ALG12: variants seen among roughly 807,000 people sequenced by gnomAD.
The protein encoded by ALG12 is dol-P-Man:Man(7)GlcNAc(2)-PP-Dol alpha-1,6-mannosyltransferase.
A neutral mutation model predicts 46.0 loss-of-function variants in ALG12; 36 were observed. The ratio of observed to expected loss-of-function variants is 0.78; its 90% CI spans 0.60 to 1.03. The LOEUF is 1.03. Ranked by LOEUF, ALG12 falls within the 50% of genes least tolerant of loss-of-function variation. ALG12 has a pLI of 0.00. For missense variants in ALG12, 599 were observed against 633.5 expected (o/e 0.95, Z 0.58); for synonymous variants, 326 against 291.6 (o/e 1.12, Z -1.20).
the ALG12 span, chr22:49,888,900 G>C: frequency 6.0e-5 from 10 of 167,148 alleles, no homozygotes; most frequent in South Asian, 1.7e-3. Flanking sequence ...GTGTAGAAAG[G>C]GTTGCGCACA....
In ALG12 at chr22:49,910,087, G is replaced by A; in HGVS notation, c.471C>T (p.Val157=). 1.2e-6 allele frequency: 2 copies of A among 1,605,352 alleles called. No homozygotes were observed. The highest frequency in any genetic ancestry group is 1.7e-6 in the Non-Finnish European group (2 of 1,176,578). The change falls in exon 5 of 10, where the codon GTC becomes GTT. Residue 157 remains valine (V), a splice_region_variant and synonymous_variant. Transcript: ENST00000330817. ...GCAGCCAGGCCGCGAGGGCCAGCAG[G>A]ACTGCAAGACAGTGCGGGAGGGTGC... The part of the protein sequence containing the change: ...TLPNVLALPV[V]LLALAAWLRH...
At chr22:49,898,817 A>G (rs181808630), downstream of ALG12, among the ~76,000 whole-genome samples, 531 of 152,128 alleles carry the variant, frequency 3.5e-3, 2 homozygotes, top group African/African-American at 0.012. Context: ...CAGTGGTGCA[A>G]TCACAGCTCA....
intron 1 of ALG12, among the ~76,000 whole-genome samples, chr22:49,917,740 C>T (rs552296427): frequency 7.5e-5 from 11 of 145,844 alleles, no homozygotes; most frequent in Non-Finnish European, 1.3e-4. Context: ...GTTATCTGCA[C>T]TCCTTCCTTC....
chr22:49,897,520 C>T (rs997148805), downstream of ALG12, among the ~76,000 whole-genome samples: 2 of 152,214 alleles, frequency 1.3e-5, no homozygotes, highest in African/African-American at 4.8e-5. Flanking sequence ...GCCATCCTAA[C>T]AAGTGCGTAG....
the ALG12 span, chr22:49,887,451 T>G: frequency 6.3e-6 from 2 of 319,580 alleles, no homozygotes; most frequent in East Asian, 5.2e-5. Flanking sequence ...AACCGTAAAG[T>G]TTTTTAAAGT....
At chr22:49,916,956 T>C (rs1010800844) in intron 1 of ALG12, among the ~76,000 whole-genome samples, 8 of 152,310 alleles carry the variant, frequency 5.3e-5, no homozygotes, top group Non-Finnish European at 1.2e-4. Flanking sequence ...CATTACGTGC[T>C]GACTCTGACA....
Position 49,913,593 on chromosome 22 carries a change from G to T in ALG12, c.162+11C>A. ...ATGAGGTTTTCCCCAAAGACAGCAG[G>T]GGCCCCTCACCTGCTCCAGGTCTTG... On this transcript the variant is annotated intron_variant, in intron 2 of 9. Transcript: ENST00000330817. 1.2e-6 allele frequency: 2 copies of T among 1,614,058 alleles called. No individual in the cohort carries two copies. The highest frequency in any genetic ancestry group is 1.7e-6 in the Non-Finnish European group (2 of 1,180,040).
chr22:49,907,217 C>T (rs929494152), intron 7 of ALG12, among the ~76,000 whole-genome samples: 1 of 152,246 alleles, frequency 6.6e-6, no homozygotes. Context: ...ACCTGTCGCC[C>T]TCAGAGCCTC....
At chr22:49,880,176 G>T in the ALG12 span, among the ~76,000 whole-genome samples, 1 of 152,116 alleles carries the variant, frequency 6.6e-6, no homozygotes, top group African/African-American at 2.4e-5. Flanking sequence ...GCTTAAAAGA[G>T]CGGCCGTTGT....
downstream of ALG12, among the ~76,000 whole-genome samples, chr22:49,896,948 A>G (rs1051583841): frequency 6.6e-6 from 1 of 151,936 alleles, no homozygotes; most frequent in Non-Finnish European, 1.5e-5. Context: ...GCCCACTTTT[A>G]AAGTGAAGCA....
the ALG12 span, among the ~76,000 whole-genome samples, chr22:49,876,343 C>A: frequency 1.3e-5 from 2 of 151,972 alleles, no homozygotes; most frequent in Non-Finnish European, 2.9e-5. Flanking sequence ...TTTTTATGTA[C>A]CTGTTGGTTA....
At chr22:49,885,304 A>C in the ALG12 span, 2 of 1,593,154 alleles carry the variant, frequency 1.3e-6, no homozygotes, top group South Asian at 2.2e-5. Flanking sequence ...GGTCACAAAA[A>C]ACAATCAAGT....
In ALG12 at chr22:49,900,449, G is replaced by A. The variant is rs1287352388; in HGVS notation, c.*3389C>T. On this transcript the variant is annotated 3_prime_UTR_variant, in exon 10 of 10. Coordinates refer to ENST00000330817, the MANE Select transcript of ALG12 (RefSeq NM_024105.4). The stretch of plus-strand genomic sequence containing the variant: ...GGGAGGCACAAGACTGAAAGCAAAC[G>A]GGAAGGATGAACCCAGCTGTATTTC... The A allele has an allele frequency of 1.3e-5, 2 of 152,200 alleles. No homozygotes were observed. Among genetic ancestry groups the A allele is most frequent in the South Asian group, 2.1e-4 (1 of 4,828 alleles). The allele number at this position is 152,200 out of a possible 1,614,324, so 9.4% of individuals were successfully genotyped here.
the ALG12 span, chr22:49,889,812 T>C: frequency 1.8e-5 from 3 of 167,192 alleles, no homozygotes; most frequent in South Asian, 6.2e-4. Flanking sequence ...CTAGAAAATA[T>C]GTTGATTCTT....
At chr22:49,899,722 G>A (rs2060496177), downstream of ALG12, among the ~76,000 whole-genome samples, 1 of 152,126 alleles carries the variant, frequency 6.6e-6, no homozygotes, top group African/African-American at 2.4e-5. Context: ...TCATGGCAGG[G>A]TTATCTGAAT....
chr22:49,865,506 A>C, the ALG12 span, among the ~76,000 whole-genome samples: 1 of 151,918 alleles, frequency 6.6e-6, no homozygotes, highest in Non-Finnish European at 1.5e-5. Context: ...AAAAAAAAAA[A>C]TAATAACCCG....
intron 1 of ALG12, among the ~76,000 whole-genome samples, chr22:49,915,893 A>G (rs1440368041): frequency 6.6e-6 from 1 of 152,220 alleles, no homozygotes. Context: ...TAGGCACTCA[A>G]CAAGGCTGCC....
At chr22:49,870,228 G>A in the ALG12 span, among the ~76,000 whole-genome samples, 3 of 152,176 alleles carry the variant, frequency 2.0e-5, no homozygotes, top group South Asian at 6.2e-4. Context: ...GTCCACCATT[G>A]CTAGGCACGT....
chr22:49,887,045 T>A, the ALG12 span: 4 of 1,614,054 alleles, frequency 2.5e-6, no homozygotes, highest in African/African-American at 1.3e-5. Flanking sequence ...CCCCCAAGCA[T>A]CGTCCCTTCA....
Sources: gnomAD v4.1 joint callset for allele counts (sites outside exome capture counted in the v4.1 genomes callset) on GRCh38, gnomAD v4.1.1 for gene constraint, MANE v1.5 for transcripts, NCBI Gene and HGNC (gene_info 2026-07-23, HGNC 2026-07-21) for gene names.